The following GSTA5 variants were observed in gnomAD, a reference collection of about 807,000 sequenced individuals.
GSTA5 encodes glutathione S-transferase alpha 5.
Under a neutral mutation model 21.8 loss-of-function variants are expected in GSTA5, and 25 were observed. The ratio of observed to expected loss-of-function variants is 1.14; its 90% CI spans 0.83 to 1.60. The LOEUF (loss-of-function observed/expected upper bound fraction) is 1.60. Ranked by LOEUF, GSTA5 falls within the 40% of genes most tolerant of loss-of-function variation. The pLI, the probability that GSTA5 is intolerant of heterozygous loss-of-function variation, is 0.00. For synonymous variants in GSTA5, 102 were observed against 89.5 expected (o/e 1.14, Z -0.78); for missense variants, 330 against 259.2 (o/e 1.27, Z -1.88).
At chr6:52,832,217 A>G (rs767988988) in intron 5 of GSTA5, among the ~76,000 whole-genome samples, 1 of 152,218 alleles carries the variant, frequency 6.6e-6, no homozygotes, top group African/African-American at 2.4e-5. Flanking sequence ...TTCTCCTTAC[A>G]TATTAATCCT....
chr6:52,838,625 T>C (rs529352800), intron 1 of GSTA5, among the ~76,000 whole-genome samples: 1 of 152,330 alleles, frequency 6.6e-6, no homozygotes, highest in Admixed American at 6.5e-5. Context: ...TGCAGGTATT[T>C]AATACAGATA....
At chr6:52,838,348 G>A (rs1257846390) in intron 1 of GSTA5, among the ~76,000 whole-genome samples, 1 of 152,182 alleles carries the variant, frequency 6.6e-6, no homozygotes, top group Admixed American at 6.5e-5. Context: ...TCTATGAAAT[G>A]GGTATACTTA....
chr6:52,843,755 C>A (rs111268961), upstream of GSTA5, among the ~76,000 whole-genome samples: 1 of 152,120 alleles, frequency 6.6e-6, no homozygotes, highest in African/African-American at 2.4e-5. Flanking sequence ...AAGTGTGGGG[C>A]GCGGTTGTTT....
Position 52,837,526 on chromosome 6 carries a change from T to G in GSTA5, c.139+32A>C, listed in dbSNP as rs4715350. 1.5e-5 allele frequency: 22 copies of G among 1,452,658 alleles called. No homozygotes were observed. The East Asian group carries it at 4.8e-4, about 32-fold the overall frequency. The allele number at this position is 1,452,658 out of a possible 1,614,324, so 90.0% of individuals were successfully genotyped here. On this transcript the variant is annotated intron_variant, in intron 2 of 5. Transcript: ENST00000370989. ...TTCCTCTGTACCTTCTACTAGAAAC[T>G]CTCATCAGAGTTACTTAGAGATTGA... is the stretch of plus-strand genomic sequence containing the variant.
rs563717581 is a variant in GSTA5, at chr6:52,834,338, T to C, written c.273-56A>G. 5.5e-5 allele frequency: 85 copies of C among 1,542,020 alleles called. No individual in the cohort carries two copies. In the East Asian group the frequency reaches 1.9e-3, roughly 34 times the overall value. On this transcript the variant is annotated intron_variant, in intron 3 of 5. Coordinates refer to ENST00000370989, the Ensembl canonical transcript of GSTA5. ...TGCCTTTTGCCTTAGATTTTATAGG[T>C]TTATAAAAACCTAAGAAAATAGAGG...
chr6:52,836,461 GAA>G (rs1764295788), intron 2 of GSTA5, 93 bp from the exon 3 acceptor site: 4 of 1,299,988 alleles, frequency 3.1e-6, no homozygotes, highest in Non-Finnish European at 4.3e-6. Flanking sequence ...CTAAATTTGT[GAA>G]ATGAAAAAGA....
chr6:52,842,068 C>G (rs921770598), upstream of GSTA5, among the ~76,000 whole-genome samples: 3 of 152,150 alleles, frequency 2.0e-5, no homozygotes, highest in African/African-American at 7.2e-5. Flanking sequence ...CGCTCACCTG[C>G]TTGTTGTAAA....
chr6:52,833,938 C>T (rs372346913), intron 4 of GSTA5, among the ~76,000 whole-genome samples: 1 of 152,138 alleles, frequency 6.6e-6, no homozygotes, highest in Admixed American at 6.5e-5. Context: ...TAAAATTTTA[C>T]TGGAAAATCA....
At chr6:52,833,884 T>C (rs1434106713) in intron 4 of GSTA5, among the ~76,000 whole-genome samples, 3 of 152,232 alleles carry the variant, frequency 2.0e-5, no homozygotes, top group African/African-American at 7.2e-5. Context: ...CTTATGAATA[T>C]GAAATTTTGT....
intron 3 of GSTA5, among the ~76,000 whole-genome samples, chr6:52,835,276 G>A (rs1764275467): frequency 1.3e-5 from 2 of 152,164 alleles, no homozygotes; most frequent in South Asian, 2.1e-4. Context: ...ATAATACTTG[G>A]CCTTCTGTGT....
intron 1 of GSTA5, 79 bp from the exon 2 acceptor site, chr6:52,837,688 T>G (rs1764313058): frequency 1.0e-6 from 1 of 973,874 alleles, no homozygotes; most frequent in African/African-American, 1.6e-5. Context: ...CCCTATCTGG[T>G]GCATGATTTG....
chr6:52,840,879 C>A (rs964851636), upstream of GSTA5: 24 of 1,413,692 alleles, frequency 1.7e-5, no homozygotes, highest in South Asian at 8.5e-5. Flanking sequence ...ACGATAGAAT[C>A]AAAAATGTAC....
intron 1 of GSTA5, among the ~76,000 whole-genome samples, 199 bp downstream of exon 1, chr6:52,840,528 T>C (rs1198390395): frequency 2.0e-5 from 3 of 152,244 alleles, no homozygotes; most frequent in Non-Finnish European, 4.4e-5. Context: ...TTCTTAATTG[T>C]ATTTTAATAT....
chr6:52,835,973 A>T (rs964551120), intron 3 of GSTA5, among the ~76,000 whole-genome samples: 6 of 152,094 alleles, frequency 3.9e-5, no homozygotes, highest in African/African-American at 1.4e-4. Context: ...CTCAGTTCAT[A>T]GGGTTTATGA....
rs145996121 is a variant in GSTA5, at chr6:52,831,833, T to C, written c.*15A>G. On this transcript the variant is annotated 3_prime_UTR_variant, in exon 6 of 6. Coordinates refer to ENST00000370989, the Ensembl canonical transcript of GSTA5. Reference sequence around the variant, plus strand: ...ATATTGGTCTGGCATGTTCTTGGCCTCCATAGCTGCTTTATTAAAACCTGA... The same window carrying C: ...ATATTGGTCTGGCATGTTCTTGGCCCCCATAGCTGCTTTATTAAAACCTGA... 2.6e-4 allele frequency: 417 copies of C among 1,613,764 alleles called. 4 individuals carry two copies. In the East Asian group the frequency reaches 8.6e-3, roughly 33 times the overall value.
At chr6:52,831,915 C>G in exon 6 of GSTA5, 5 of 1,613,792 alleles carry the variant, frequency 3.1e-6, no homozygotes, top group Non-Finnish European at 4.2e-6. Flanking sequence ...TCTCTGGCTG[C>G]CAGGCTGCAG....
chr6:52,834,178 T>C, exon 4 of GSTA5: 2 of 1,614,212 alleles, frequency 1.2e-6, no homozygotes, highest in Non-Finnish European at 1.7e-6. Flanking sequence ...TTTTATTTTC[T>C]CTTTGACCAA....
At chr6:52,836,306 T>C in exon 3 of GSTA5, 2 of 1,613,878 alleles carry the variant, frequency 1.2e-6, no homozygotes, top group Admixed American at 1.7e-5. Context: ...ATGGCTCTGG[T>C]CTGCACCAGC....
At chr6:52,841,900 A>G (rs1004482964), upstream of GSTA5, among the ~76,000 whole-genome samples, 1 of 152,242 alleles carries the variant, frequency 6.6e-6, no homozygotes, top group African/African-American at 2.4e-5. Flanking sequence ...ATGCATGGTA[A>G]TCTTTCAGTA....
Sources: gnomAD v4.1 joint callset for allele counts (sites outside exome capture counted in the v4.1 genomes callset) on GRCh38, gnomAD v4.1.1 for gene constraint, MANE v1.5 for transcripts, NCBI Gene and HGNC (gene_info 2026-07-23, HGNC 2026-07-21) for gene names.